Variants in ZC3HAV1 observed in about 807,000 individuals in gnomAD.
The protein encoded by ZC3HAV1 is zinc finger CCCH-type antiviral protein 1.
ZC3HAV1 carries 41 observed loss-of-function variants against 86.6 expected under a neutral mutation model. The ratio of observed to expected loss-of-function variants is 0.47; its 90% CI spans 0.37 to 0.61. ZC3HAV1 has a LOEUF of 0.61. Ranked by LOEUF, ZC3HAV1 falls within the 20% of genes least tolerant of loss-of-function variation. The pLI, the probability that ZC3HAV1 is intolerant of heterozygous loss-of-function variation, is 0.00. For missense variants in ZC3HAV1, 964 were observed against 1,141.1 expected (o/e 0.84, Z 2.24); for synonymous variants, 421 against 432.1 (o/e 0.97, Z 0.32).
chr7:139,055,561 T>C (rs1816259914), intron 9 of ZC3HAV1, among the ~76,000 whole-genome samples: 1 of 152,234 alleles, frequency 6.6e-6, no homozygotes, highest in African/African-American at 2.4e-5. Context: ...TGACTCTTTT[T>C]TATATTTCTG....
chr7:139,066,250 A>G (rs1816604819), intron 7 of ZC3HAV1, among the ~76,000 whole-genome samples: 1 of 152,078 alleles, frequency 6.6e-6, no homozygotes, highest in Non-Finnish European at 1.5e-5. Context: ...TCCTTTTGCT[A>G]ATGACATTCC....
intron 6 of ZC3HAV1, 132 bp from the exon 7 acceptor site, chr7:139,074,162 C>T (rs1334783307): frequency 2.5e-6 from 2 of 801,128 alleles, no homozygotes. Context: ...CTTTCCATGG[C>T]TCCAGGTCCT....
chr7:139,066,280 C>T (rs540618158), intron 7 of ZC3HAV1, among the ~76,000 whole-genome samples: 4 of 152,250 alleles, frequency 2.6e-5, no homozygotes, highest in South Asian at 2.1e-4. Context: ...GCTGGACCGA[C>T]GCCCCTTCCT....
intron 5 of ZC3HAV1, among the ~76,000 whole-genome samples, chr7:139,077,355 T>G (rs763426347): frequency 1.6e-4 from 25 of 152,180 alleles, no homozygotes; most frequent in Non-Finnish European, 3.1e-4. Context: ...GAAATTCTCC[T>G]GCCTCAGTCT....
At chr7:139,074,834 G>T (rs1816887445) in intron 6 of ZC3HAV1, among the ~76,000 whole-genome samples, 1 of 151,964 alleles carries the variant, frequency 6.6e-6, no homozygotes, top group South Asian at 2.1e-4. Context: ...ATATATAATT[G>T]TTCTCAGTTT....
intron 7 of ZC3HAV1, among the ~76,000 whole-genome samples, chr7:139,070,099 A>T (rs1213595873): frequency 2.7e-5 from 4 of 148,496 alleles, no homozygotes; most frequent in African/African-American, 4.9e-5. Context: ...ATTTTTCCTT[A>T]TTTTTTTTTT....
At chr7:139,061,240 G>C in intron 8 of ZC3HAV1, 102 bp from the exon 9 acceptor site, 1 of 1,104,162 alleles carries the variant, frequency 9.1e-7, no homozygotes, top group Non-Finnish European at 1.3e-6. Flanking sequence ...AAATATTCAA[G>C]ACTGACCTGT....
At chr7:139,056,410 C>CTTTTT (rs143452325) in intron 9 of ZC3HAV1, among the ~76,000 whole-genome samples, 2 of 132,120 alleles carry the variant, frequency 1.5e-5, no homozygotes, top group Admixed American at 7.7e-5. Flanking sequence ...TTTTTCTTTT[C>CTTTTT]TTTTCTTTTT....
rs1183885767 is a variant in ZC3HAV1 at position 139,097,401 on chromosome 7, C to CATATATATATATATATAT, written c.309-7660_309-7643dup. On this transcript the variant is annotated intron_variant, in intron 1 of 12. Transcript: ENST00000242351. ...TGGATGGAAACAAATATTGGAACTC[C>CATATATATATATATATAT]ATATATATATATATATATATATATA... Among the ~76,000 whole-genome samples, 42 of 63,828 alleles carry CATATATATATATATATAT rather than the reference C, an allele frequency of 6.6e-4. 1 individual carries two copies. The highest frequency in any genetic ancestry group is 2.3e-3 in the South Asian group (3 of 1,296). The allele number at this position is 63,828 out of a possible 152,430, so 41.9% of individuals were successfully genotyped here.
intron 7 of ZC3HAV1, among the ~76,000 whole-genome samples, chr7:139,066,218 G>A (rs558197550): frequency 3.9e-5 from 6 of 152,248 alleles, no homozygotes; most frequent in South Asian, 2.1e-4. Context: ...CCAAGCAGCC[G>A]TGGTGGAGAG....
intron 1 of ZC3HAV1, among the ~76,000 whole-genome samples, chr7:139,099,946 T>A (rs1817702239): frequency 7.7e-6 from 1 of 129,422 alleles, no homozygotes; most frequent in African/African-American, 2.9e-5. Context: ...TAAATAAACC[T>A]CAAAAAAGTA....
chr7:139,064,169 A>G (rs1459221578), intron 8 of ZC3HAV1, among the ~76,000 whole-genome samples: 2 of 152,210 alleles, frequency 1.3e-5, no homozygotes, highest in Non-Finnish European at 2.9e-5. Context: ...ACAGGATCCA[A>G]CTGCAGGTAC....
chr7:139,090,188 T>G (rs1734833875), intron 1 of ZC3HAV1, among the ~76,000 whole-genome samples: 1 of 152,248 alleles, frequency 6.6e-6, no homozygotes, highest in Admixed American at 6.5e-5. Flanking sequence ...CCTAAAGTGC[T>G]GGGATTACAG....
chr7:139,055,394 A>C, intron 9 of ZC3HAV1, 99 bp from the exon 10 acceptor site: 1 of 915,076 alleles, frequency 1.1e-6, no homozygotes, highest in South Asian at 1.6e-5. Context: ...ATGCCTAGAG[A>C]AATACACAAT....
intron 1 of ZC3HAV1, among the ~76,000 whole-genome samples, chr7:139,096,779 TTA>T (rs1817601196): frequency 1.3e-5 from 2 of 152,132 alleles, no homozygotes; most frequent in South Asian, 2.1e-4. Context: ...CCCCAAGGAA[TTA>T]TATGTTTCTG....
intron 8 of ZC3HAV1, among the ~76,000 whole-genome samples, chr7:139,064,145 G>T (rs1321321037): frequency 2.6e-5 from 4 of 152,140 alleles, no homozygotes; most frequent in African/African-American, 9.7e-5. Flanking sequence ...GTCATCTAAG[G>T]CCCACTAAGC....
chr7:139,106,719 T>C (rs1241971066), intron 1 of ZC3HAV1, among the ~76,000 whole-genome samples: 2 of 152,100 alleles, frequency 1.3e-5, no homozygotes, highest in Admixed American at 6.5e-5. Flanking sequence ...AACTGGACAA[T>C]AGATGATATT....
chr7:139,069,707 G>C (rs1450768330), intron 7 of ZC3HAV1, among the ~76,000 whole-genome samples: 2 of 152,062 alleles, frequency 1.3e-5, no homozygotes, highest in East Asian at 3.8e-4. Context: ...TTCCATAAAA[G>C]GATATCTATT....
At position 139,089,869 on chromosome 7, in the gene ZC3HAV1, A is replaced by T. The variant is rs537554973; in HGVS notation, c.309-110T>A. ...AAGACCCGTGCCCATATTCTCTGAC[A>T]ACAGACACAGGTTGGTTCTGCTTAA... On this transcript the variant is annotated intron_variant, in intron 1 of 12. Transcript: ENST00000242351. 87 of 1,205,630 alleles carry T rather than the reference A, an allele frequency of 7.2e-5. No homozygotes were observed. The East Asian group carries it at 2.3e-3, about 31-fold the overall frequency. 74.7% of individuals were successfully genotyped at this position (1,205,630 alleles called of 1,614,324 possible).
Sources: gnomAD v4.1 joint callset for allele counts (sites outside exome capture counted in the v4.1 genomes callset) on GRCh38, gnomAD v4.1.1 for gene constraint, MANE v1.5 for transcripts, NCBI Gene and HGNC (gene_info 2026-07-23, HGNC 2026-07-21) for gene names.